Variants in SLC26A9 observed in about 807,000 individuals in gnomAD.
SLC26A9 encodes the protein anion transporter/exchanger protein 9.
A neutral mutation model predicts 87.1 loss-of-function variants in SLC26A9; 46 were observed. The ratio of observed to expected loss-of-function variants is 0.53; its 90% CI spans 0.42 to 0.67. The LOEUF is 0.67. SLC26A9 is among the 30% of genes least tolerant of loss of function. The pLI is 0.00. For missense variants in SLC26A9, 927 were observed against 1,018.3 expected, an observed-to-expected ratio of 0.91 and a Z score of 1.22; for synonymous variants, 437 against 409.1, an observed-to-expected ratio of 1.07 and a Z score of -0.82.
intron 8 of SLC26A9, 153 bp from the exon 9 acceptor site, chr1:205,928,202 C>T (rs1659161419): frequency 2.3e-6 from 2 of 873,328 alleles, no homozygotes; most frequent in Non-Finnish European, 3.4e-6. Flanking sequence ...TCAGCACCAC[C>T]CCATAGGGTA....
At chr1:205,935,474 A>G (rs1659472792) in intron 2 of SLC26A9, 2 of 534,682 alleles carry the variant, frequency 3.7e-6, no homozygotes, top group East Asian at 3.3e-5. Flanking sequence ...TGGGAATGCC[A>G]TATAACCCTT....
chr1:205,918,765 C>A, intron 19 of SLC26A9, 75 bp downstream of exon 19: 1 of 1,530,816 alleles, frequency 6.5e-7, no homozygotes. Flanking sequence ...CTCCTGTGTT[C>A]TTTCTAATAA....
intron 17 of SLC26A9, 110 bp from the exon 18 acceptor site, chr1:205,920,340 C>G (rs1338569546): frequency 1.6e-5 from 20 of 1,288,550 alleles, no homozygotes; most frequent in East Asian, 2.4e-5. Context: ...AATAAGCAAC[C>G]CTGAGAGCCC....
intron 1 of SLC26A9, among the ~76,000 whole-genome samples, chr1:205,937,794 G>A (rs2102603617): frequency 6.6e-6 from 1 of 152,154 alleles, no homozygotes; most frequent in Middle Eastern, 3.4e-3. Flanking sequence ...TGGGGAGCAT[G>A]ACCTCCCCAC....
chr1:205,924,396 A>G lies in SLC26A9; in HGVS notation c.1483T>C (p.Phe495Leu). 6.2e-7 allele frequency: 1 copy of G among 1,614,196 alleles called. No homozygotes were observed. Among genetic ancestry groups the G allele is most frequent in the Non-Finnish European group, 8.5e-7 (1 of 1,180,020 alleles). The change falls in exon 13 of 21, where the codon TTC becomes CTC. Residue 495 changes from phenylalanine to leucine, a missense_variant. By Grantham distance (22) the Phe-to-Leu change is conservative. Transcript: ENST00000367135. ...GVAFSVLVVV[F>L]QTQFRNGYAL... ...GCTATCACTTACAACTGAGTCTGGA[A>G]GACCACGACCAGGACGGAGAAGGCG...
chr1:205,937,327 A>T (rs896809049), intron 1 of SLC26A9, among the ~76,000 whole-genome samples: 1 of 152,196 alleles, frequency 6.6e-6, no homozygotes, highest in African/African-American at 2.4e-5. Flanking sequence ...TACTCAACAC[A>T]TACTTGTTGA....
At chr1:205,935,026 T>A (rs1044855588) in intron 2 of SLC26A9, 4 of 152,254 alleles carry the variant, frequency 2.6e-5, no homozygotes, top group Admixed American at 6.5e-5. Flanking sequence ...AGAGGAGGTC[T>A]GCCAGGAGTC....
At chr1:205,941,001 A>G (rs1319399599) in intron 1 of SLC26A9, among the ~76,000 whole-genome samples, 1 of 152,068 alleles carries the variant, frequency 6.6e-6, no homozygotes, top group Non-Finnish European at 1.5e-5. Flanking sequence ...TGCCTCATCC[A>G]GGGTGGGGGC....
At position 205,929,296 on chromosome 1, in the gene SLC26A9, G is replaced by C. The variant is rs201876625; in HGVS notation, c.778C>G (p.Leu260Val). The part of the protein sequence containing the change: ...HTNIASLIFA[L>V]ISGAFLVLVK... ...AGCACCAGGAAGGCACCGCTGATGA[G>C]AGCGAAGATGAGCGAGGCGATGTTG... Residue 260 changes from leucine (L) to valine (V), a missense_variant, in exon 7 of 21, where the codon CTC (leucine) becomes GTC (valine). Transcript: ENST00000367135. 56 of 1,614,122 alleles carry C rather than the reference G, an allele frequency of 3.5e-5. No individual in the cohort carries two copies. Among genetic ancestry groups the C allele is most frequent in the African/African-American group, 8.0e-5 (6 of 74,944 alleles).
chr1:205,941,485 T>A (rs1200658977), intron 1 of SLC26A9, among the ~76,000 whole-genome samples: 1 of 152,144 alleles, frequency 6.6e-6, no homozygotes, highest in Non-Finnish European at 1.5e-5. Flanking sequence ...AAGGCATTTT[T>A]AAACACTCCT....
chr1:205,916,395 C>A (rs774646486), intron 20 of SLC26A9, among the ~76,000 whole-genome samples: 3 of 152,184 alleles, frequency 2.0e-5, no homozygotes, highest in Non-Finnish European at 2.9e-5. Context: ...TTGCACCCAG[C>A]CACATATTTT....
chr1:205,928,073 C>T, intron 8 of SLC26A9, 24 bp from the exon 9 acceptor site: 1 of 1,610,050 alleles, frequency 6.2e-7, no homozygotes, highest in Non-Finnish European at 8.5e-7. Context: ...AGGAAGGAGG[C>T]AGAACCCAAG....
chr1:205,916,504 T>C (rs1397425540), intron 20 of SLC26A9, among the ~76,000 whole-genome samples: 1 of 152,252 alleles, frequency 6.6e-6, no homozygotes, highest in African/African-American at 2.4e-5. Flanking sequence ...GCAGAGGCCT[T>C]TGTTTTGCTC....
chr1:205,925,224 T>A (rs2102582714), intron 12 of SLC26A9, among the ~76,000 whole-genome samples: 1 of 152,324 alleles, frequency 6.6e-6, no homozygotes, highest in East Asian at 1.9e-4. Flanking sequence ...GATCAATAAA[T>A]GTGAGTTCCC....
At chr1:205,928,706 G>A (rs754486085) in intron 8 of SLC26A9, 121 bp downstream of exon 8, 9 of 873,232 alleles carry the variant, frequency 1.0e-5, no homozygotes, top group African/African-American at 1.7e-5. Flanking sequence ...TTCATACATG[G>A]TCAGTGTCAT....
At chr1:205,916,165 C>T (rs1475268204) in intron 20 of SLC26A9, among the ~76,000 whole-genome samples, 3 of 152,182 alleles carry the variant, frequency 2.0e-5, no homozygotes, top group Non-Finnish European at 2.9e-5. Context: ...GGCACGATCT[C>T]GGCTCACTGC....
At chr1:205,924,545 A>T (rs1219339646) in intron 12 of SLC26A9, 56 bp from the exon 13 acceptor site, 5 of 1,540,478 alleles carry the variant, frequency 3.2e-6, no homozygotes, top group Non-Finnish European at 4.5e-6. Flanking sequence ...CTCTTTCAGG[A>T]AGTCTTCCTG....
intron 20 of SLC26A9, 32 bp from the exon 21 acceptor site, chr1:205,915,436 G>A: frequency 6.2e-7 from 1 of 1,613,592 alleles, no homozygotes. Flanking sequence ...AGTGGGAGGG[G>A]AAGAGAGAGG....
In SLC26A9 at chr1:205,931,970, A is replaced by G; in HGVS notation, c.442T>C (p.Phe148Leu). Residue 148 changes from phenylalanine (F) to leucine (L), a missense_variant, in exon 5 of 21, where the codon TTC (phenylalanine) becomes CTC (leucine). Coordinates refer to ENST00000367135, the MANE Select transcript of SLC26A9 (RefSeq NM_052934.4). ...ICLQLAPESKFQVFNNATNES... is the reference protein window; with the variant it reads ...ICLQLAPESKLQVFNNATNES... ...TTGGTGGCATTGTTGAAGACCTGGA[A>G]TTTCGACTCTGGGGCCAGCTGCAGA... is the stretch of plus-strand genomic sequence containing the variant. 1 of 1,614,178 alleles carries G rather than the reference A, an allele frequency of 6.2e-7. No homozygotes were observed. Among genetic ancestry groups the G allele is most frequent in the Non-Finnish European group, 8.5e-7 (1 of 1,180,026 alleles).
Sources: gnomAD v4.1 joint callset for allele counts (sites outside exome capture counted in the v4.1 genomes callset) on GRCh38, gnomAD v4.1.1 for gene constraint, MANE v1.5 for transcripts, NCBI Gene and HGNC (gene_info 2026-07-23, HGNC 2026-07-21) for gene names.